Variants in KAT6B observed in about 807,000 individuals in gnomAD.
KAT6B encodes the protein lysine acetyltransferase 6B.
In KAT6B, 10 loss-of-function variants were observed where a neutral mutation model predicts 187.5. That is an observed-to-expected ratio of 0.05 (90% confidence interval 0.03 to 0.09). The LOEUF is 0.09. Among genes scored for constraint, KAT6B ranks in the 10% least tolerant of loss-of-function variants. The pLI, the probability that KAT6B is intolerant of heterozygous loss-of-function variation, is 1.00. For missense variants in KAT6B, 1,952 were observed against 2,558.9 expected, an observed-to-expected ratio of 0.76 and a Z score of 5.12; for synonymous variants, 861 against 926.8, an observed-to-expected ratio of 0.93 and a Z score of 1.29.
At chr10:74,829,315 G>C (rs1840552387) in intron 1 of KAT6B, among the ~76,000 whole-genome samples, 1 of 152,190 alleles carries the variant, frequency 6.6e-6, no homozygotes, top group African/African-American at 2.4e-5. Flanking sequence ...TGCTTCATAA[G>C]CTCTCATGGA....
intron 3 of KAT6B, among the ~76,000 whole-genome samples, chr10:74,852,751 A>G (rs1842555408): frequency 6.6e-6 from 1 of 152,184 alleles, no homozygotes; most frequent in Non-Finnish European, 1.5e-5. Flanking sequence ...GTTCAAATGA[A>G]TGTTAAACAT....
chr10:74,859,953 G>T (rs558943374), intron 3 of KAT6B, among the ~76,000 whole-genome samples: 3 of 152,196 alleles, frequency 2.0e-5, no homozygotes, highest in African/African-American at 7.2e-5. Flanking sequence ...CATTGATCAG[G>T]TGTAAATTGT....
At chr10:74,967,444 T>C (rs1278438522) in intron 4 of KAT6B, among the ~76,000 whole-genome samples, 1 of 152,228 alleles carries the variant, frequency 6.6e-6, no homozygotes, top group Admixed American at 6.5e-5. Context: ...CTAATTACTA[T>C]AGATTGTGCA....
intron 8 of KAT6B, 169 bp downstream of exon 8, chr10:74,976,499 C>A: frequency 1.5e-6 from 1 of 661,084 alleles, no homozygotes; most frequent in Non-Finnish European, 2.7e-6. Context: ...TTTTCTAATG[C>A]TGACTAAACC....
intron 3 of KAT6B, among the ~76,000 whole-genome samples, chr10:74,890,542 A>AAAACAAAC (rs537552957): frequency 6.6e-6 from 1 of 152,164 alleles, no homozygotes; most frequent in East Asian, 1.9e-4. Flanking sequence ...ACTCCGTCTC[A>AAAACAAAC]AAACAAACAA....
intron 3 of KAT6B, among the ~76,000 whole-genome samples, chr10:74,847,356 C>T (rs996714629): frequency 1.3e-5 from 2 of 152,168 alleles, no homozygotes; most frequent in African/African-American, 4.8e-5. Context: ...TGTTTGTATT[C>T]TTTAATGAAA....
intron 3 of KAT6B, among the ~76,000 whole-genome samples, chr10:74,903,548 T>C (rs149982311): frequency 6.0e-4 from 91 of 152,346 alleles, no homozygotes; most frequent in Admixed American, 1.4e-3. Context: ...ACCTCAGTCC[T>C]ACAACCGCTA....
chr10:74,953,904 TA>T (rs1840488564), intron 3 of KAT6B, among the ~76,000 whole-genome samples: 1 of 152,214 alleles, frequency 6.6e-6, no homozygotes, highest in Non-Finnish European at 1.5e-5. Context: ...TAAAGCTTCT[TA>T]AAAATGCATT....
intron 1 of KAT6B, among the ~76,000 whole-genome samples, chr10:74,835,244 A>C (rs570713790): frequency 1.3e-5 from 2 of 152,306 alleles, no homozygotes; most frequent in African/African-American, 4.8e-5. Flanking sequence ...ACGGTGGGGC[A>C]CTTATCCAGG....
rs530827639 is a variant in KAT6B at position 74,981,415 on chromosome 10, C to T, written c.2232-372C>T. ...TTTTGACGGTGTCTCACTCTGTTGC[C>T]CAGGCTGGAGCGCAGTGGTGCAATC... On this transcript the variant is annotated intron_variant, in intron 10 of 17. Coordinates refer to ENST00000287239, the MANE Select transcript of KAT6B (RefSeq NM_012330.4). 2.0e-5 allele frequency among the ~76,000 whole-genome samples: 3 copies of T among 151,584 alleles called. No individual in the cohort carries two copies. The East Asian group carries it at 5.8e-4, about 29-fold the overall frequency.
At chr10:74,968,000 G>T (rs1841592273) in intron 4 of KAT6B, among the ~76,000 whole-genome samples, 1 of 152,178 alleles carries the variant, frequency 6.6e-6, no homozygotes, top group African/African-American at 2.4e-5. Flanking sequence ...GAAGTAAGTG[G>T]TATACTTTTA....
intron 4 of KAT6B, among the ~76,000 whole-genome samples, chr10:74,966,514 TC>T (rs1249582135): frequency 1.3e-5 from 2 of 152,228 alleles, no homozygotes; most frequent in South Asian, 2.1e-4. Context: ...GGTTTGTAGT[TC>T]CATTGGTACT....
rs370725802 is a variant in KAT6B at position 75,025,144 on chromosome 10, C to T, written c.3559C>T (p.Pro1187Ser). 43 of 1,614,000 alleles carry T rather than the reference C, an allele frequency of 2.7e-5. No individual in the cohort carries two copies. The highest frequency in any genetic ancestry group is 3.4e-5 in the Non-Finnish European group (40 of 1,180,004). Reference protein sequence around the residue: ...EIEVEEDGRKPVLRKAFQHQP... With the variant: ...EIEVEEDGRKSVLRKAFQHQP... ...TGAAGTGGAGGAAGATGGCAGGAAG[C>T]CAGTCCTGAGAAAAGCATTCCAGCA... The change falls in exon 17 of 18, where the codon CCA becomes TCA. Residue 1187 changes from proline (P) to serine (S), a missense_variant. By Grantham distance (74) the Pro-to-Ser change is moderately conservative (BLOSUM62 -1). Around this residue, in one of 9 missense-constraint regions of KAT6B, gnomAD observed 758 missense variants for 891.4 expected, o/e 0.85. Coordinates refer to ENST00000287239, the MANE Select transcript of KAT6B (RefSeq NM_012330.4).
chr10:74,870,261 C>T (rs1843820414), intron 3 of KAT6B, among the ~76,000 whole-genome samples: 1 of 152,130 alleles, frequency 6.6e-6, no homozygotes, highest in African/African-American at 2.4e-5. Context: ...CCACTGCATT[C>T]CAGCCTGGGA....
chr10:74,916,305 T>C (rs1479611030), intron 3 of KAT6B, among the ~76,000 whole-genome samples: 2 of 152,274 alleles, frequency 1.3e-5, no homozygotes, highest in African/African-American at 2.4e-5. Flanking sequence ...AAATGTTTTA[T>C]TGAATTGTGC....
chr10:74,950,340 G>A (rs930572659), intron 3 of KAT6B, among the ~76,000 whole-genome samples: 1 of 152,178 alleles, frequency 6.6e-6, no homozygotes, highest in Admixed American at 6.5e-5. Context: ...GTAGACCCAG[G>A]GCTGCTCTGA....
At chr10:74,994,660 G>A (rs971681004) in intron 13 of KAT6B, among the ~76,000 whole-genome samples, 10 of 152,050 alleles carry the variant, frequency 6.6e-5, no homozygotes, top group South Asian at 6.3e-4. Flanking sequence ...GGTGGCAGGC[G>A]CCTGTAGTCC....
intron 13 of KAT6B, 35 bp from the exon 14 acceptor site, chr10:75,020,547 C>T: frequency 6.9e-7 from 1 of 1,445,320 alleles, no homozygotes; most frequent in Non-Finnish European, 9.7e-7. Flanking sequence ...GGGAATGCCA[C>T]AGTGAGGAAT....
intron 13 of KAT6B, among the ~76,000 whole-genome samples, chr10:75,011,984 C>T (rs1163698463): frequency 6.6e-6 from 1 of 152,120 alleles, no homozygotes; most frequent in Non-Finnish European, 1.5e-5. Flanking sequence ...AATATTCTGG[C>T]CCAAGTATAG....
Sources: allele counts gnomAD v4.1 joint callset (sites outside exome capture counted in the v4.1 genomes callset), GRCh38; gene constraint gnomAD v4.1.1; regional missense constraint gnomAD v4.1.1; transcripts MANE v1.5; gene names NCBI Gene and HGNC (gene_info 2026-07-23, HGNC 2026-07-21).